Variants in GPBP1L1 observed in about 807,000 individuals in gnomAD.
The protein encoded by GPBP1L1 is vasculin-like protein 1.
Under a neutral mutation model 52.5 loss-of-function variants are expected in GPBP1L1, and 23 were observed. That is an observed-to-expected ratio of 0.44 (90% CI 0.32 to 0.62). The LOEUF is 0.62. Among genes scored for constraint, GPBP1L1 ranks in the 20% least tolerant of loss-of-function variants. The pLI is 0.06. For synonymous variants in GPBP1L1, 243 were observed against 203.1 expected, an observed-to-expected ratio of 1.20 and a Z score of -1.67; for missense variants, 596 against 579.3, an observed-to-expected ratio of 1.03 and a Z score of -0.30.
Position 45,654,631 on chromosome 1 carries a change from C to A in GPBP1L1, c.389G>T (p.Cys130Phe). ...WNGSFHSRKG[C>F]AFQEKPPMEI... Reference sequence around the variant, plus strand: ...CATAGGTGGCTTTTCCTGAAAAGCACACCCTTTCCGGGAGTGGAAGCTGCC... The same window carrying A: ...CATAGGTGGCTTTTCCTGAAAAGCAAACCCTTTCCGGGAGTGGAAGCTGCC... Residue 130 changes from cysteine to phenylalanine, a missense_variant, in exon 6 of 13, where the codon TGT (cysteine) becomes TTT (phenylalanine). Physicochemically the swap from Cys to Phe is radical, Grantham distance 205 (BLOSUM62 -2). Coordinates refer to ENST00000355105, the MANE Select transcript of GPBP1L1 (RefSeq NM_021639.5). 1 of 1,614,170 alleles carries A rather than the reference C, an allele frequency of 6.2e-7. No homozygotes were observed. The highest frequency in any genetic ancestry group is 8.5e-7 in the Non-Finnish European group (1 of 1,180,012).
In GPBP1L1 at chr1:45,654,718, C is replaced by T. The variant is rs375143538; in HGVS notation, c.302G>A (p.Arg101Gln). ...ACGTTGGCTCATGCCATCATGACCT[C>T]GGGAAGAGCTATGCCAACCAGATGG... ...GNPSGWHSSS[R>Q]GHDGMSQRSG... Residue 101 changes from arginine (R) to glutamine (Q), a missense_variant, in exon 6 of 13, where the codon CGA becomes CAA. Transcript: ENST00000355105. 10 of 1,614,034 alleles carry T rather than the reference C, an allele frequency of 6.2e-6. No individual in the cohort carries two copies. The highest frequency in any genetic ancestry group is 1.3e-5 in the African/African-American group (1 of 74,908).
intron 2 of GPBP1L1, among the ~76,000 whole-genome samples, chr1:45,671,728 G>A (rs1472004181): frequency 1.1e-4 from 17 of 152,162 alleles, no homozygotes; most frequent in Admixed American, 9.8e-4. Flanking sequence ...GGAGGCTGAG[G>A]TGGGAGAATT....
intron 6 of GPBP1L1, among the ~76,000 whole-genome samples, chr1:45,645,373 C>A (rs887581587): frequency 6.6e-6 from 1 of 152,150 alleles, no homozygotes; most frequent in Non-Finnish European, 1.5e-5. Flanking sequence ...TTTTACGGAA[C>A]ATCTATTTTA....
intron 6 of GPBP1L1, chr1:45,651,349 G>T: frequency 2.6e-6 from 1 of 378,538 alleles, no homozygotes; most frequent in Non-Finnish European, 5.1e-6. Context: ...TGGGATCCAT[G>T]TCATATGCAA....
chr1:45,664,974 G>A (rs573700928), intron 2 of GPBP1L1, among the ~76,000 whole-genome samples: 87 of 152,108 alleles, frequency 5.7e-4, no homozygotes, highest in African/African-American at 2.0e-3. Context: ...CACTGCACCT[G>A]GCCTCATAGA....
intron 6 of GPBP1L1, chr1:45,645,970 TCAAAGCTGGGGCTCTACACTTGTTTAG>T: frequency 2.0e-6 from 1 of 497,648 alleles, no homozygotes; most frequent in Non-Finnish European, 3.9e-6. Context: ...GAGTTGCAAA[TCAAAGCTGGGGCTCTACACTTGTTTAG>T]CCTGCCTGTG....
intron 11 of GPBP1L1, 33 bp from the exon 12 acceptor site, chr1:45,629,711 A>C: frequency 7.4e-7 from 1 of 1,353,022 alleles, no homozygotes; most frequent in Non-Finnish European, 1.1e-6. Flanking sequence ...TAAAGAGAAT[A>C]CAACATCACT....
rs1404619002 is a variant in GPBP1L1, at chr1:45,629,582, T to C, written c.1266A>G (p.Thr422=). 1 of 1,598,012 alleles carries C rather than the reference T, an allele frequency of 6.3e-7. No homozygotes were observed. Among genetic ancestry groups the C allele is most frequent in the South Asian group, 1.1e-5 (1 of 90,722 alleles). The stretch of plus-strand genomic sequence containing the variant: ...AAGAAGGTTTACAACATACCTGCTC[T>C]GTCTTCATGTGGAACTCTTTGAGCT... ...EDELKEFHMK[T]EQLRRNGFGK... The change falls in exon 12 of 13, where the codon ACA becomes ACG. Residue 422 remains threonine, a synonymous_variant. Transcript: ENST00000355105.
chr1:45,654,942 T>TA (rs937727823), intron 5 of GPBP1L1, 113 bp from the exon 6 acceptor site: 31 of 1,111,664 alleles, frequency 2.8e-5, no homozygotes, highest in Non-Finnish European at 3.5e-5. Context: ...ACAAAAAAAA[T>TA]AAAAAAATGT....
Position 45,642,486 on chromosome 1 carries a change from G to C in GPBP1L1, c.491C>G (p.Pro164Arg). ...FEEEDFPSLN[P>R]EAGKQHQPCR... ...TGGCTGATGCTGTTTGCCAGCTTCT[G>C]GATTCAAGGAAGGCTAGGAAAAAAG... is the stretch of plus-strand genomic sequence containing the variant. The change falls in exon 7 of 13, where the codon CCA (proline) becomes CGA (arginine). Residue 164 changes from proline (P) to arginine (R), a missense_variant. Physicochemically the swap from Pro to Arg is moderately radical, Grantham distance 103. Coordinates refer to ENST00000355105, the MANE Select transcript of GPBP1L1 (RefSeq NM_021639.5). 6.2e-7 allele frequency: 1 copy of C among 1,613,874 alleles called. No homozygotes were observed.
chr1:45,629,644 C>T lies in GPBP1L1; in HGVS notation c.1204G>A (p.Glu402Lys), dbSNP rs1161282928. The change falls in exon 12 of 13, where the codon GAA becomes AAA. Residue 402 changes from glutamate (E) to lysine (K), a missense_variant. Physicochemically the swap from Glu to Lys is moderately conservative, Grantham distance 56. Coordinates refer to ENST00000355105, the MANE Select transcript of GPBP1L1 (RefSeq NM_021639.5). ...LKAMGWQEYP[E>K]NDENCLPLTE... ...AGGGGAAGGCAATTCTCATCATTTTCAGGATATTCCTGCCAACCCATAGCT... is the reference window on the plus strand; with the variant it reads ...AGGGGAAGGCAATTCTCATCATTTTTAGGATATTCCTGCCAACCCATAGCT... The T allele has an allele frequency of 1.9e-6, 3 of 1,613,366 alleles. No homozygotes were observed.
At position 45,627,376 on chromosome 1, in the gene GPBP1L1, G is replaced by A. The variant is rs1644468305; in HGVS notation, c.*880C>T. ...CATCAAAAAAGTATCTGCTAAAATA[G>A]AGAAACAGTTGTGTCTGAATTCACA... is the stretch of plus-strand genomic sequence containing the variant. On this transcript the variant is annotated 3_prime_UTR_variant, in exon 13 of 13. Coordinates refer to ENST00000355105, the MANE Select transcript of GPBP1L1 (RefSeq NM_021639.5). The A allele has an allele frequency of 7.2e-6, 1 of 138,956 alleles. No individual in the cohort carries two copies. The highest frequency in any genetic ancestry group is 2.4e-4 in the South Asian group (1 of 4,106). The allele number at this position is 138,956 out of a possible 1,614,324, so 8.6% of individuals were successfully genotyped here.
chr1:45,683,883 C>G (rs1474087130), intron 2 of GPBP1L1, among the ~76,000 whole-genome samples: 1 of 151,932 alleles, frequency 6.6e-6, no homozygotes. Context: ...AATCATGCCA[C>G]CGCACTCCAA....
At chr1:45,647,220 G>C (rs116817953) in intron 6 of GPBP1L1, among the ~76,000 whole-genome samples, 1,586 of 149,654 alleles carry the variant, frequency 0.011, 31 homozygotes, top group African/African-American at 0.038. Flanking sequence ...GCCCAGGCCG[G>C]AGTGCAATGG....
chr1:45,676,853 TGG>T (rs1645151668), intron 2 of GPBP1L1, among the ~76,000 whole-genome samples: 1 of 151,728 alleles, frequency 6.6e-6, no homozygotes, highest in Admixed American at 6.6e-5. Flanking sequence ...CACTCCAGCC[TGG>T]GTGACACAGA....
At chr1:45,629,504 G>A (rs1228190575) in intron 12 of GPBP1L1, 72 bp downstream of exon 12, 2 of 365,200 alleles carry the variant, frequency 5.5e-6, no homozygotes, top group Non-Finnish European at 1.0e-5. Context: ...TGCTCCCTCA[G>A]GGCAAGAACT....
intron 8 of GPBP1L1, among the ~76,000 whole-genome samples, chr1:45,637,967 T>C (rs1294231035): frequency 1.3e-5 from 2 of 152,246 alleles, no homozygotes; most frequent in African/African-American, 4.8e-5. Context: ...GGACGTAAGA[T>C]GAAGAAGGTG....
intron 2 of GPBP1L1, among the ~76,000 whole-genome samples, chr1:45,661,768 TA>T (rs1395586248): frequency 6.6e-6 from 1 of 152,172 alleles, no homozygotes; most frequent in Non-Finnish European, 1.5e-5. Flanking sequence ...TTTGCTTTTT[TA>T]TATAAAAGCA....
At chr1:45,675,616 A>G (rs1645129905) in intron 2 of GPBP1L1, among the ~76,000 whole-genome samples, 2 of 152,300 alleles carry the variant, frequency 1.3e-5, no homozygotes, top group Non-Finnish European at 2.9e-5. Flanking sequence ...ATTACGGCTC[A>G]TTACAGTTGA....
Sources: allele counts gnomAD v4.1 joint callset (sites outside exome capture counted in the v4.1 genomes callset), GRCh38; gene constraint gnomAD v4.1.1; transcripts MANE v1.5; gene names NCBI Gene and HGNC (gene_info 2026-07-23, HGNC 2026-07-21).